PRR11: variants seen among roughly 807,000 people sequenced by gnomAD.
PRR11 encodes proline-rich protein 11.
A neutral mutation model predicts 45.6 loss-of-function variants in PRR11; 30 were observed. The observed-to-expected ratio is 0.66, with a 90% CI of 0.49 to 0.89. The LOEUF (loss-of-function observed/expected upper bound fraction) is 0.89. Ranked by LOEUF, PRR11 falls within the 40% of genes least tolerant of loss-of-function variation. The probability of loss-of-function intolerance (pLI) is 0.00; values close to 1 mark genes in which losing one functional copy is unlikely to be tolerated. For synonymous variants in PRR11, 128 were observed against 153.5 expected (o/e 0.83, Z 1.23); for missense variants, 373 against 424.8 (o/e 0.88, Z 1.07).
intron 1 of PRR11, 123 bp from the exon 2 acceptor site, chr17:59,169,625 C>T: frequency 1.1e-6 from 1 of 913,082 alleles, no homozygotes; most frequent in East Asian, 2.8e-5. Context: ...TATTTCTTAA[C>T]CAAGATGGTG....
chr17:59,181,772 T>A lies in PRR11; in HGVS notation c.129-3282T>A, dbSNP rs921647749. ...GCTGAGTAAAGAAACCAGGCCACCATGTAATGCTTCTGCAACTGATCACCT... is the reference window on the plus strand; with the variant it reads ...GCTGAGTAAAGAAACCAGGCCACCAAGTAATGCTTCTGCAACTGATCACCT... On this transcript the variant is annotated intron_variant, in intron 2 of 9. Coordinates refer to ENST00000262293, the MANE Select transcript of PRR11 (RefSeq NM_018304.4). 1.4e-5 allele frequency: 21 copies of A among 1,554,162 alleles called. No homozygotes were observed. The Admixed American group carries it at 3.0e-4, about 22-fold the overall frequency.
Position 59,193,689 on chromosome 17 carries a change from A to C in PRR11, c.600A>C (p.Leu200=). 6.2e-7 allele frequency: 1 copy of C among 1,613,974 alleles called. No individual in the cohort carries two copies. The highest frequency in any genetic ancestry group is 1.3e-5 in the African/African-American group (1 of 75,040). Residue 200 remains leucine, a synonymous_variant, in exon 5 of 10, where the codon CTA becomes CTC. Transcript: ENST00000262293. ...CTCTGCCACCTCCTCCACCACCACT[A>C]GCACCTGTGTTGCTCAGAAAACCCA... The part of the protein sequence containing the change: ...PPPLPPPPPP[L]APVLLRKPSL...
At chr17:59,183,518 C>G (rs2046799027) in intron 2 of PRR11, among the ~76,000 whole-genome samples, 1 of 152,150 alleles carries the variant, frequency 6.6e-6, no homozygotes, top group South Asian at 2.1e-4. Context: ...GTCCGAGATT[C>G]TATACTGGGG....
At position 59,169,882 on chromosome 17, in the gene PRR11, T is replaced by A; in HGVS notation, c.128+2T>A. ...TCCTCCACCACCCTCACCAGAAAGG[T>A]AAGGCTTAATGTGGAACAGAAAAAA... On this transcript the variant is annotated splice_donor_variant, in intron 2 of 9. Coordinates refer to ENST00000262293, the MANE Select transcript of PRR11 (RefSeq NM_018304.4). LOFTEE classifies it high-confidence loss of function. 6.3e-7 allele frequency: 1 copy of A among 1,597,202 alleles called. No individual in the cohort carries two copies. Among genetic ancestry groups the A allele is most frequent in the East Asian group, 2.2e-5 (1 of 44,790 alleles).
chr17:59,169,879 A>G lies in PRR11; in HGVS notation c.127A>G (p.Arg43Gly). The G allele has an allele frequency of 2.5e-6, 4 of 1,599,022 alleles. No homozygotes were observed. In the South Asian group the frequency reaches 3.4e-5, roughly 14 times the overall value. ...TCCTCCTCCACCACCCTCACCAGAA[A>G]GGTAAGGCTTAATGTGGAACAGAAA... ...TPPPPPPSPE[R>G]VGISSIDISQ... Residue 43 changes from arginine to glycine, a missense_variant and splice_region_variant, in exon 2 of 10, where the codon AGA (arginine) becomes GGA (glycine). Coordinates refer to ENST00000262293, the MANE Select transcript of PRR11 (RefSeq NM_018304.4).
At chr17:59,156,828 C>A (rs6503898) in intron 1 of PRR11, among the ~76,000 whole-genome samples, 51,154 of 151,712 alleles carry the variant, frequency 0.34, 8,846 homozygotes, top group South Asian at 0.41. Context: ...GGGGTTTCAC[C>A]CTCTTGGCCA....
chr17:59,205,280 CTGAA>C lies in PRR11; in HGVS notation c.*3652_*3655del, dbSNP rs2046912565. 6.6e-6 allele frequency among the ~76,000 whole-genome samples: 1 copy of C among 152,046 alleles called. No individual in the cohort carries two copies. The highest frequency in any genetic ancestry group is 2.1e-4 in the South Asian group (1 of 4,794). Reference sequence around the variant, plus strand: ...TATGCTCCCGGTGTTTACTTTGAGACTGAATGGCAACCAGAGAATGTAAACAACC... The same window carrying C: ...TATGCTCCCGGTGTTTACTTTGAGACTGGCAACCAGAGAATGTAAACAACC... On this transcript the variant is annotated 3_prime_UTR_variant, in exon 10 of 10. Transcript: ENST00000262293.
intron 2 of PRR11, among the ~76,000 whole-genome samples, chr17:59,172,381 G>A (rs1344198951): frequency 1.3e-5 from 2 of 152,226 alleles, no homozygotes; most frequent in South Asian, 2.1e-4. Flanking sequence ...GGCAGCCCTC[G>A]CTCGCTTTCC....
Position 59,177,569 on chromosome 17 carries a change from G to A in PRR11, c.129-7485G>A. Among the ~76,000 whole-genome samples, 3 of 152,260 alleles carry A rather than the reference G, an allele frequency of 2.0e-5. 1 individual carries two copies. Among genetic ancestry groups the A allele is most frequent in the Admixed American group, 2.0e-4 (3 of 15,292 alleles). ...GTGCCAGGCAGAGAACTGTCCCAAAGAACTGAGAGTAAAGGGGCTAGGAGC... is the reference window on the plus strand; with the variant it reads ...GTGCCAGGCAGAGAACTGTCCCAAAAAACTGAGAGTAAAGGGGCTAGGAGC... On this transcript the variant is annotated intron_variant, in intron 2 of 9. Transcript: ENST00000262293.
intron 4 of PRR11, among the ~76,000 whole-genome samples, chr17:59,188,800 C>T (rs963114659): frequency 6.6e-6 from 1 of 151,858 alleles, no homozygotes; most frequent in African/African-American, 2.4e-5. Flanking sequence ...ATTAGCCTGG[C>T]ATGGTGACAT....
At chr17:59,199,613 G>A (rs546886279) in intron 9 of PRR11, among the ~76,000 whole-genome samples, 1 of 152,300 alleles carries the variant, frequency 6.6e-6, no homozygotes, top group Non-Finnish European at 1.5e-5. Context: ...TCCGTCGGCT[G>A]CCCCTGCTGG....
intron 7 of PRR11, among the ~76,000 whole-genome samples, 183 bp from the exon 8 acceptor site, chr17:59,197,361 T>A (rs1294262527): frequency 6.6e-6 from 1 of 151,754 alleles, no homozygotes; most frequent in Non-Finnish European, 1.5e-5. Context: ...ACGCCATTCT[T>A]CTGCCTCAGC....
rs144788099 is a variant in PRR11, at chr17:59,185,155, C to T, written c.230C>T (p.Thr77Ile). Residue 77 changes from threonine (T) to isoleucine (I), a missense_variant, in exon 3 of 10, where the codon ACA (threonine) becomes ATA (isoleucine). Coordinates refer to ENST00000262293, the MANE Select transcript of PRR11 (RefSeq NM_018304.4). ...ATCAGAGATGCAATAAAACTTTGGA[C>T]AAATAGAGTATGGTCTATATACAGC... ...PNIRDAIKLWTNRVWSIYSWC... is the reference protein window; with the variant it reads ...PNIRDAIKLWINRVWSIYSWC... 6.2e-7 allele frequency: 1 copy of T among 1,613,904 alleles called. No individual in the cohort carries two copies. Among genetic ancestry groups the T allele is most frequent in the African/African-American group, 1.3e-5 (1 of 74,986 alleles).
At chr17:59,167,027 GA>G (rs1460992751) in intron 1 of PRR11, among the ~76,000 whole-genome samples, 1 of 152,022 alleles carries the variant, frequency 6.6e-6, no homozygotes, top group Non-Finnish European at 1.5e-5. Context: ...GCCAGGCGTG[GA>G]TGGCGGGCAC....
At chr17:59,194,694 G>T (rs1472575146) in intron 5 of PRR11, 63 bp from the exon 6 acceptor site, 3 of 1,289,482 alleles carry the variant, frequency 2.3e-6, no homozygotes, top group African/African-American at 3.0e-5. Flanking sequence ...ACTAGATTTG[G>T]ATTTGCATTT....
chr17:59,187,299 C>T (rs9894722), intron 4 of PRR11, among the ~76,000 whole-genome samples: 55,281 of 151,958 alleles, frequency 0.36, 10,319 homozygotes, highest in South Asian at 0.47. Flanking sequence ...AGGGGCTGGG[C>T]GCGGTGGCTT....
At chr17:59,182,490 C>T (rs1383332666) in intron 2 of PRR11, among the ~76,000 whole-genome samples, 2 of 150,336 alleles carry the variant, frequency 1.3e-5, no homozygotes, top group Non-Finnish European at 2.9e-5. Flanking sequence ...CTCCCAGGCT[C>T]AAGTGATTCT....
intron 1 of PRR11, among the ~76,000 whole-genome samples, chr17:59,167,678 G>C (rs1010128253): frequency 1.3e-5 from 2 of 152,174 alleles, no homozygotes; most frequent in Admixed American, 6.5e-5. Context: ...TCCCAGAACT[G>C]AGGGTTCCTT....
At chr17:59,184,403 C>T (rs1323297663) in intron 2 of PRR11, among the ~76,000 whole-genome samples, 3 of 152,064 alleles carry the variant, frequency 2.0e-5, no homozygotes, top group African/African-American at 4.8e-5. Flanking sequence ...CGGAGGTTGC[C>T]GTGAGCCAAG....
Sources: gnomAD v4.1 joint callset for allele counts (sites outside exome capture counted in the v4.1 genomes callset) on GRCh38, gnomAD v4.1.1 for gene constraint, MANE v1.5 for transcripts, NCBI Gene and HGNC (gene_info 2026-07-23, HGNC 2026-07-21) for gene names.